Variants in VCPKMT observed in about 807,000 individuals in gnomAD.
VCPKMT encodes protein N-lysine methyltransferase METTL21D.
A neutral mutation model predicts 28.6 loss-of-function variants in VCPKMT; 32 were observed. The observed-to-expected ratio is 1.12, with a 90% CI of 0.84 to 1.50. VCPKMT has a LOEUF of 1.50. Ranked by LOEUF, VCPKMT falls within the 40% of genes most tolerant of loss-of-function variation. The probability of loss-of-function intolerance (pLI) is 0.00; values close to 1 mark genes in which losing one functional copy is unlikely to be tolerated. For missense variants in VCPKMT, 366 were observed against 285.0 expected (o/e 1.28, Z -2.05); for synonymous variants, 138 against 111.4 (o/e 1.24, Z -1.50).
downstream of VCPKMT, among the ~76,000 whole-genome samples, chr14:50,108,442 G>A (rs7156871): frequency 0.015 from 2,264 of 152,208 alleles, 63 homozygotes; most frequent in African/African-American, 0.052. Flanking sequence ...AAATGCTAAG[G>A]ACAGTATGAA....
downstream of VCPKMT, chr14:50,106,622 C>G (rs1882330355): frequency 1.0e-6 from 1 of 985,346 alleles, no homozygotes; most frequent in Admixed American, 6.1e-5. Context: ...GAATCTGCTG[C>G]TGGTGGGTAA....
the VCPKMT span, among the ~76,000 whole-genome samples, chr14:50,103,362 G>A: frequency 8.9e-4 from 135 of 152,212 alleles, 1 homozygote; most frequent in Non-Finnish European, 5.1e-4. Context: ...AAGTCACATT[G>A]CTCTTTTAGA....
chr14:50,114,409 T>A lies in VCPKMT; in HGVS notation c.451-5A>T, dbSNP rs767779969. On this transcript the variant is annotated splice_polypyrimidine_tract_variant and splice_region_variant and intron_variant, in intron 3 of 5. Transcript: ENST00000395860. ...TTTCAGCAATGGCTCCAAAGACTAT[T>A]TAAAAAAGAATATATTTTTTGTTTT... 4.6e-5 allele frequency: 69 copies of A among 1,493,118 alleles called. No individual in the cohort carries two copies. The highest frequency in any genetic ancestry group is 6.1e-5 in the Non-Finnish European group (68 of 1,122,058). 92.5% of individuals were successfully genotyped at this position (1,493,118 alleles called of 1,614,324 possible). A position where few individuals can be genotyped will look rare whatever the true frequency, so the allele number is the denominator to read the frequency against.
At chr14:50,113,978 A>G (rs1882913570) in intron 4 of VCPKMT, among the ~76,000 whole-genome samples, 3 of 152,212 alleles carry the variant, frequency 2.0e-5, no homozygotes, top group Non-Finnish European at 2.9e-5. Context: ...TAATACATAC[A>G]TCATTGAGAT....
In VCPKMT at chr14:50,116,138, A is replaced by T. The variant is rs200285200; in HGVS notation, c.308T>A (p.Leu103Ter). Reference sequence around the variant, plus strand: ...GTTCATATTAATATTCATCTTCAGCAAGTCTTGCAATTCCTCAAGATCGGT... The same window carrying T: ...GTTCATATTAATATTCATCTTCAGCTAGTCTTGCAATTCCTCAAGATCGGT... ...VVTDLEELQD[L>*]LKMNINMNKH... The change falls in exon 2 of 6, where the codon TTG (leucine) becomes TAG (stop). Residue 103 changes from leucine to a stop codon, truncating the protein, a stop_gained. Transcript: ENST00000395860. LOFTEE classifies it high-confidence loss of function. 1 of 1,614,144 alleles carries T rather than the reference A, an allele frequency of 6.2e-7. No individual in the cohort carries two copies. The highest frequency in any genetic ancestry group is 8.5e-7 in the Non-Finnish European group (1 of 1,180,036).
In VCPKMT at chr14:50,116,292, G is replaced by A. The variant is rs1018386048; in HGVS notation, c.261C>T (p.Thr87=). 4 of 1,606,024 alleles carry A rather than the reference G, an allele frequency of 2.5e-6. No homozygotes were observed. Among genetic ancestry groups the A allele is most frequent in the African/African-American group, 1.3e-5 (1 of 74,670 alleles). ...GTGAVGLMAA[T]LGADVVVTDL... Reference sequence around the variant, plus strand: ...GCCCGCCCGCCAGCTCTTACCCGAGGGTAGCAGCCATGAGCCCCACGGCCC... The same window carrying A: ...GCCCGCCCGCCAGCTCTTACCCGAGAGTAGCAGCCATGAGCCCCACGGCCC... The change falls in exon 1 of 6, where the codon ACC becomes ACT. Residue 87 remains threonine (T), a synonymous_variant. Coordinates refer to ENST00000395860, the MANE Select transcript of VCPKMT (RefSeq NM_024558.3).
At chr14:50,110,286 G>A (rs1046898764) in intron 5 of VCPKMT, among the ~76,000 whole-genome samples, 2 of 151,918 alleles carry the variant, frequency 1.3e-5, no homozygotes, top group Non-Finnish European at 2.9e-5. Context: ...GAAAATACAA[G>A]ACACACTATT....
At chr14:50,107,627 TAC>T (rs749752565), downstream of VCPKMT, among the ~76,000 whole-genome samples, 5 of 152,154 alleles carry the variant, frequency 3.3e-5, no homozygotes, top group East Asian at 9.6e-4. Flanking sequence ...AAATTTCCTC[TAC>T]AGTCAGTACT....
chr14:50,111,158 A>G, intron 5 of VCPKMT: 2 of 965,536 alleles, frequency 2.1e-6, no homozygotes, highest in Non-Finnish European at 1.2e-6. Context: ...CATCAACTAA[A>G]AAATAAGAGT....
chr14:50,106,923 T>C (rs1882343919), downstream of VCPKMT, among the ~76,000 whole-genome samples: 1 of 152,250 alleles, frequency 6.6e-6, no homozygotes, highest in Non-Finnish European at 1.5e-5. Flanking sequence ...TCTTGCTATG[T>C]TGCCCAGCCT....
At chr14:50,104,713 C>A, downstream of VCPKMT, among the ~76,000 whole-genome samples, 1 of 150,462 alleles carries the variant, frequency 6.6e-6, no homozygotes. Context: ...AAAAAAACTG[C>A]TTTGAAAAAC....
intron 4 of VCPKMT, chr14:50,113,483 T>C (rs1049863993): frequency 6.6e-6 from 1 of 151,994 alleles, no homozygotes; most frequent in Admixed American, 6.6e-5. Context: ...ATGTGATAGA[T>C]TTGTGCCCAT....
chr14:50,105,957 C>G (rs545297545), downstream of VCPKMT, among the ~76,000 whole-genome samples: 26 of 152,300 alleles, frequency 1.7e-4, no homozygotes, highest in African/African-American at 5.8e-4. Context: ...CTATTTCATA[C>G]AAGGTTCCAC....
At chr14:50,112,398 A>G (rs1882746506) in intron 5 of VCPKMT, among the ~76,000 whole-genome samples, 4 of 58,946 alleles carry the variant, frequency 6.8e-5, no homozygotes, top group Admixed American at 2.2e-4. Context: ...AATACGAGAA[A>G]AAAAAAAAAA....
downstream of VCPKMT, chr14:50,108,514 A>G: frequency 2.6e-6 from 2 of 778,008 alleles, no homozygotes; most frequent in Non-Finnish European, 3.1e-6. Flanking sequence ...ATAAACCTGA[A>G]AGGAATGAAC....
At chr14:50,111,566 A>C in intron 5 of VCPKMT, 1 of 985,370 alleles carries the variant, frequency 1.0e-6, no homozygotes, top group South Asian at 4.7e-5. Flanking sequence ...ACATATACCA[A>C]AGGTGCTGGA....
At chr14:50,112,042 C>A (rs1882697217) in intron 5 of VCPKMT, 1 of 984,970 alleles carries the variant, frequency 1.0e-6, no homozygotes, top group South Asian at 4.7e-5. Flanking sequence ...TAATTGAGTG[C>A]ATTTATCTTT....
At chr14:50,105,907 T>C (rs1882304561), downstream of VCPKMT, among the ~76,000 whole-genome samples, 1 of 152,188 alleles carries the variant, frequency 6.6e-6, no homozygotes, top group African/African-American at 2.4e-5. Flanking sequence ...TATAGTCTAT[T>C]TCCATTTCCA....
In VCPKMT at chr14:50,109,230, T is replaced by C. The variant is rs1882475409; in HGVS notation, c.*469A>G. The C allele has an allele frequency of 1.1e-6, 1 of 906,056 alleles. No homozygotes were observed. Among genetic ancestry groups the C allele is most frequent in the Admixed American group, 6.2e-5 (1 of 16,198 alleles). The allele number at this position is 906,056 out of a possible 1,614,324, so 56.1% of individuals were successfully genotyped here. On this transcript the variant is annotated 3_prime_UTR_variant, in exon 6 of 6. Transcript: ENST00000395860. ...AGTGGAAAATACAAATGATAAATAT[T>C]GTATAATTATGTACAAAATGAAAAC...
Sources: gnomAD v4.1 joint callset for allele counts (sites outside exome capture counted in the v4.1 genomes callset) on GRCh38, gnomAD v4.1.1 for gene constraint, MANE v1.5 for transcripts, NCBI Gene and HGNC (gene_info 2026-07-23, HGNC 2026-07-21) for gene names.